The following MACROD2 variants were observed in gnomAD, a reference collection of about 807,000 sequenced individuals.
MACROD2 encodes mono-ADP ribosylhydrolase 2, also known as ADP-ribose glycohydrolase MACROD2.
MACROD2 carries 36 observed loss-of-function variants against 70.4 expected under a neutral mutation model. The observed-to-expected ratio is 0.51, with a 90% CI of 0.39 to 0.68. MACROD2 has a LOEUF of 0.68. Ranked by LOEUF, MACROD2 falls within the 30% of genes least tolerant of loss-of-function variation. The probability of loss-of-function intolerance (pLI) is 0.00; values close to 1 mark genes in which losing one functional copy is unlikely to be tolerated. For missense variants in MACROD2, 496 were observed against 538.4 expected (o/e 0.92, Z 0.78); for synonymous variants, 172 against 178.8 (o/e 0.96, Z 0.30).
chr20:15,208,369 G>A (rs1270731224), intron 5 of MACROD2, among the ~76,000 whole-genome samples: 1 of 151,958 alleles, frequency 6.6e-6, no homozygotes, highest in Non-Finnish European at 1.5e-5. Flanking sequence ...TAAAAATGAT[G>A]GTTCCTTTAA....
At chr20:15,395,133 C>T (rs1208112767) in intron 6 of MACROD2, among the ~76,000 whole-genome samples, 1 of 152,138 alleles carries the variant, frequency 6.6e-6, no homozygotes, top group East Asian at 1.9e-4. Flanking sequence ...CAGTAAAATC[C>T]TGGAAAAGAT....
intron 5 of MACROD2, among the ~76,000 whole-genome samples, chr20:14,754,094 G>A (rs2071909557): frequency 6.6e-6 from 1 of 152,038 alleles, no homozygotes; most frequent in South Asian, 2.1e-4. Context: ...CTACCAGTTG[G>A]AAGTTATCAC....
At chr20:15,990,285 C>G (rs2066540494) in intron 15 of MACROD2, among the ~76,000 whole-genome samples, 1 of 152,072 alleles carries the variant, frequency 6.6e-6, no homozygotes, top group Non-Finnish European at 1.5e-5. Flanking sequence ...TAGAAGATCT[C>G]CTCTGAAAAG....
intron 6 of MACROD2, among the ~76,000 whole-genome samples, chr20:15,348,076 G>T (rs933097602): frequency 1.3e-5 from 2 of 152,160 alleles, no homozygotes; most frequent in African/African-American, 4.8e-5. Flanking sequence ...ATGACACTAT[G>T]TGATAGTGTT....
At chr20:14,741,278 A>T (rs2123719455) in intron 5 of MACROD2, among the ~76,000 whole-genome samples, 1 of 152,276 alleles carries the variant, frequency 6.6e-6, no homozygotes, top group African/African-American at 2.4e-5. Flanking sequence ...ACCAAGCATC[A>T]TGTTCACTTG....
chr20:15,573,555 A>T (rs1276346507), intron 8 of MACROD2, among the ~76,000 whole-genome samples: 1 of 152,176 alleles, frequency 6.6e-6, no homozygotes, highest in Non-Finnish European at 1.5e-5. Context: ...AGTTGTTTGG[A>T]AGAAGAGTAG....
chr20:15,100,117 A>G (rs1038266864), intron 5 of MACROD2, among the ~76,000 whole-genome samples: 3 of 151,978 alleles, frequency 2.0e-5, no homozygotes, highest in African/African-American at 7.2e-5. Context: ...TCTTTTTTTA[A>G]ATAGAGACAG....
chr20:15,021,137 C>CCTGT lies in MACROD2; in HGVS notation c.419-208803_419-208802insCTGT, dbSNP rs1367139569. Among the ~76,000 whole-genome samples the CCTGT allele has an allele frequency of 2.2e-5, 2 of 90,900 alleles. 1 individual carries two copies. Among genetic ancestry groups the CCTGT allele is most frequent in the African/African-American group, 8.7e-5 (2 of 22,936 alleles). The allele number at this position is 90,900 out of a possible 152,430, so 59.6% of individuals were successfully genotyped here. A position where few individuals can be genotyped will look rare whatever the true frequency, so the allele number is the denominator to read the frequency against. On this transcript the variant is annotated intron_variant, in intron 5 of 17. Transcript: ENST00000684519. ...GTGTATACACGTGTGTATACACATA[C>CCTGT]GTGTGTGTATACACACACCTGTGTG...
intron 4 of MACROD2, among the ~76,000 whole-genome samples, chr20:14,564,905 AT>A (rs1254154341): frequency 6.6e-6 from 1 of 152,004 alleles, no homozygotes; most frequent in Non-Finnish European, 1.5e-5. Context: ...TTGCAGCACC[AT>A]TCACAAAAGC....
chr20:15,219,956 GAAA>G (rs11482499), intron 5 of MACROD2, among the ~76,000 whole-genome samples: 1 of 106,774 alleles, frequency 9.4e-6, no homozygotes, highest in African/African-American at 3.4e-5. Flanking sequence ...ATCATCTCCT[GAAA>G]AAAAAAAAAA....
At position 14,827,353 on chromosome 20, in the gene MACROD2, T is replaced by C. The variant is rs16995032; in HGVS notation, c.418+142394T>C. Among the ~76,000 whole-genome samples, 930 of 152,264 alleles carry C rather than the reference T, an allele frequency of 6.1e-3. 11 individuals are homozygous for C. The highest frequency in any genetic ancestry group is 0.021 in the African/African-American group (889 of 41,570). ...AGTTATTGACGATTTGAGCAAATTA[T>C]TTTCCTCTATCCAGCCCCTACATAC... On this transcript the variant is annotated intron_variant, in intron 5 of 17. Transcript: ENST00000684519.
chr20:15,975,131 C>A (rs1295201803), intron 13 of MACROD2, among the ~76,000 whole-genome samples: 1 of 151,960 alleles, frequency 6.6e-6, no homozygotes, highest in Admixed American at 6.6e-5. Context: ...GATATACAGT[C>A]ATTATAAATA....
intron 15 of MACROD2, among the ~76,000 whole-genome samples, chr20:16,012,935 A>T (rs1457105103): frequency 2.0e-5 from 3 of 152,222 alleles, no homozygotes; most frequent in Non-Finnish European, 4.4e-5. Context: ...TAATCCCAGC[A>T]CTTTGGGAGG....
chr20:14,932,875 A>G (rs2074308475), intron 5 of MACROD2, among the ~76,000 whole-genome samples: 1 of 152,102 alleles, frequency 6.6e-6, no homozygotes, highest in Non-Finnish European at 1.5e-5. Context: ...AAACTCATGT[A>G]AAGTTGAAGT....
chr20:15,875,646 T>A (rs759628516), intron 9 of MACROD2, among the ~76,000 whole-genome samples: 13 of 151,670 alleles, frequency 8.6e-5, no homozygotes, highest in Admixed American at 6.6e-5. Context: ...CAGAAAGCAA[T>A]CTGTCCCTTC....
intron 8 of MACROD2, among the ~76,000 whole-genome samples, chr20:15,673,894 TA>T (rs767647108): frequency 1.3e-5 from 2 of 152,154 alleles, no homozygotes; most frequent in Non-Finnish European, 2.9e-5. Context: ...TAACCATGGC[TA>T]TTGGGTATGA....
chr20:14,552,340 A>G (rs1219029779), intron 4 of MACROD2, among the ~76,000 whole-genome samples: 1 of 147,946 alleles, frequency 6.8e-6, no homozygotes, highest in Non-Finnish European at 1.5e-5. Context: ...GTGGGGGCAG[A>G]TAAGGGTCAT....
Position 14,807,189 on chromosome 20 carries a change from G to A in MACROD2, c.418+122230G>A, listed in dbSNP as rs11904994. Among the ~76,000 whole-genome samples the A allele has an allele frequency of 1.9e-3, 295 of 152,250 alleles. 2 individuals carry two copies. Among genetic ancestry groups the A allele is most frequent in the African/African-American group, 6.6e-3 (276 of 41,558 alleles). On this transcript the variant is annotated intron_variant, in intron 5 of 17. Transcript: ENST00000684519. ...GGGTTGACAGACACCTCACACAGGAGAGCTCTGGCTGGCGTCTAGCAGGTG... is the reference window on the plus strand; with the variant it reads ...GGGTTGACAGACACCTCACACAGGAAAGCTCTGGCTGGCGTCTAGCAGGTG...
intron 6 of MACROD2, among the ~76,000 whole-genome samples, chr20:15,406,178 A>G (rs980003118): frequency 6.6e-6 from 1 of 152,218 alleles, no homozygotes; most frequent in Admixed American, 6.5e-5. Flanking sequence ...AGGTAGTTTG[A>G]TGCCGTTGTC....
Sources: allele counts gnomAD v4.1 joint callset (sites outside exome capture counted in the v4.1 genomes callset), GRCh38; gene constraint gnomAD v4.1.1; transcripts MANE v1.5; gene names NCBI Gene and HGNC (gene_info 2026-07-23, HGNC 2026-07-21).